Variants in OTUD4 observed in about 807,000 individuals in gnomAD.
OTUD4 encodes OTU deubiquitinase 4, also known as OTU domain-containing protein 4.
A neutral mutation model predicts 130.4 loss-of-function variants in OTUD4; 24 were observed. That is an observed-to-expected ratio of 0.18 (90% CI 0.13 to 0.26). The LOEUF (loss-of-function observed/expected upper bound fraction) is 0.26. Among genes scored for constraint, OTUD4 ranks in the 10% least tolerant of loss-of-function variants. The pLI is 1.00. For missense variants in OTUD4, 1,031 were observed against 1,329.4 expected (o/e 0.78, Z 3.49); for synonymous variants, 420 against 472.5 (o/e 0.89, Z 1.44).
chr4:145,164,024 A>T (rs1384305865), intron 5 of OTUD4, 130 bp downstream of exon 5: 1 of 550,550 alleles, frequency 1.8e-6, no homozygotes. Context: ...ACTTTTAAGA[A>T]ATCAGAATAC....
chr4:145,174,325 A>G (rs1752321744), intron 2 of OTUD4, among the ~76,000 whole-genome samples: 1 of 152,134 alleles, frequency 6.6e-6, no homozygotes, highest in Non-Finnish European at 1.5e-5. Context: ...AACCACTATT[A>G]ATCACAACAC....
chr4:145,174,274 AT>A (rs1002802741), intron 2 of OTUD4, among the ~76,000 whole-genome samples: 4 of 151,944 alleles, frequency 2.6e-5, no homozygotes, highest in Non-Finnish European at 5.9e-5. Context: ...CCCAGACTGA[AT>A]TTTTTTTCTT....
In OTUD4 at chr4:145,163,567, T is replaced by C. The variant is rs1049462665; in HGVS notation, c.414+587A>G. Among the ~76,000 whole-genome samples, 6 of 152,136 alleles carry C rather than the reference T, an allele frequency of 3.9e-5. 1 individual carries two copies. Among genetic ancestry groups the C allele is most frequent in the Admixed American group, 2.6e-4 (4 of 15,262 alleles). ...TGTTTATATTGATAAAAAACTATAA[T>C]AGTCTAGTTCATCATATGTATTAAT... On this transcript the variant is annotated intron_variant, in intron 5 of 20. Coordinates refer to ENST00000447906, the MANE Select transcript of OTUD4 (RefSeq NM_001366057.1).
intron 2 of OTUD4, among the ~76,000 whole-genome samples, chr4:145,172,215 G>A (rs1752205191): frequency 6.6e-6 from 1 of 152,226 alleles, no homozygotes; most frequent in African/African-American, 2.4e-5. Flanking sequence ...GGCCACTTCA[G>A]GTGACATTCT....
chr4:145,144,109 G>T, intron 15 of OTUD4, 108 bp from the exon 16 acceptor site: 1 of 1,084,504 alleles, frequency 9.2e-7, no homozygotes, highest in Non-Finnish European at 1.4e-6. Context: ...TTTGAACCAT[G>T]TTTAGTCAGT....
chr4:145,178,065 T>G (rs890482298), intron 1 of OTUD4: 1 of 152,204 alleles, frequency 6.6e-6, no homozygotes, highest in Non-Finnish European at 1.5e-5. Flanking sequence ...GTCACATAAC[T>G]GGGAAGGGTA....
At chr4:145,179,582 TTCA>T in intron 1 of OTUD4, 1 of 1,359,012 alleles carries the variant, frequency 7.4e-7, no homozygotes, top group Non-Finnish European at 9.4e-7. Context: ...TCATTACCTC[TTCA>T]TCAGGAGAGA....
chr4:145,160,690 G>A (rs559997170), intron 6 of OTUD4, among the ~76,000 whole-genome samples: 1 of 152,270 alleles, frequency 6.6e-6, no homozygotes, highest in East Asian at 1.9e-4. Context: ...GTGCACACCT[G>A]TAATTCCAGC....
intron 16 of OTUD4, among the ~76,000 whole-genome samples, chr4:145,143,685 C>G (rs993172092): frequency 1.3e-5 from 2 of 152,112 alleles, no homozygotes; most frequent in African/African-American, 2.4e-5. Flanking sequence ...TACTCTTCTC[C>G]TTTAAAAACA....
At chr4:145,156,833 C>T (rs1003558489) in intron 7 of OTUD4, among the ~76,000 whole-genome samples, 5 of 152,214 alleles carry the variant, frequency 3.3e-5, no homozygotes, top group Non-Finnish European at 5.9e-5. Context: ...GCAGTGTACA[C>T]AGCTGACCCT....
intron 19 of OTUD4, among the ~76,000 whole-genome samples, chr4:145,140,994 T>C (rs1750535022): frequency 6.6e-6 from 1 of 151,566 alleles, no homozygotes; most frequent in Admixed American, 6.6e-5. Context: ...TGAAACCCCG[T>C]CTCTACTAAA....
rs771122560 is a variant in OTUD4, at chr4:145,143,464, A to G, written c.1603-19T>C. On this transcript the variant is annotated intron_variant, in intron 16 of 20. Transcript: ENST00000447906. ...TAATATTCTTTGGAAGCAAAAAAGAAGCAAAGTTTTGTATTTCAGAGACCC... is the reference window on the plus strand; with the variant it reads ...TAATATTCTTTGGAAGCAAAAAAGAGGCAAAGTTTTGTATTTCAGAGACCC... The G allele has an allele frequency of 6.5e-5, 99 of 1,516,696 alleles. No homozygotes were observed. The highest frequency in any genetic ancestry group is 8.3e-5 in the Non-Finnish European group (91 of 1,096,062). The allele number at this position is 1,516,696 out of a possible 1,614,324, so 94.0% of individuals were successfully genotyped here.
Position 145,171,461 on chromosome 4 carries a change from T to G in OTUD4, c.294+209A>C, listed in dbSNP as rs36224529. On this transcript the variant is annotated intron_variant, in intron 3 of 20. Transcript: ENST00000447906. The stretch of plus-strand genomic sequence containing the variant: ...ATGCCATTATAGCCAAGATAAAATA[T>G]CACAACTCTGCCTTAGTGAGGCAAC... 3,359 of 454,712 alleles carry G rather than the reference T, an allele frequency of 7.4e-3. 109 individuals are homozygous for G. The highest frequency in any genetic ancestry group is 0.059 in the African/African-American group (2,895 of 49,312). 28.2% of individuals were successfully genotyped at this position (454,712 alleles called of 1,614,324 possible). A position where few individuals can be genotyped will look rare whatever the true frequency, so the allele number is the denominator to read the frequency against.
intron 7 of OTUD4, among the ~76,000 whole-genome samples, chr4:145,157,765 G>A (rs923491554): frequency 1.3e-5 from 2 of 150,722 alleles, no homozygotes; most frequent in African/African-American, 4.9e-5. Flanking sequence ...CAACAGTGCA[G>A]TATAAAAAGA....
intron 19 of OTUD4, among the ~76,000 whole-genome samples, chr4:145,140,211 T>C (rs1750495230): frequency 6.6e-6 from 1 of 152,184 alleles, no homozygotes; most frequent in Admixed American, 6.5e-5. Context: ...TCTGTTAGCA[T>C]ATAAATCCCA....
In OTUD4 at chr4:145,152,523, C is replaced by A. The variant is rs371333125; in HGVS notation, c.968+18G>T. 1.4e-6 allele frequency: 2 copies of A among 1,394,326 alleles called. No individual in the cohort carries two copies. Among genetic ancestry groups the A allele is most frequent in the African/African-American group, 1.4e-5 (1 of 69,948 alleles). The allele number at this position is 1,394,326 out of a possible 1,614,324, so 86.4% of individuals were successfully genotyped here. A position where few individuals can be genotyped will look rare whatever the true frequency, so the allele number is the denominator to read the frequency against. On this transcript the variant is annotated intron_variant, in intron 11 of 20. Transcript: ENST00000447906. ...ATGGAGGAGGCAGTAAATGCCTTAG[C>A]TGAAGAGTAGTACATACTTCTTTCC...
chr4:145,161,428 T>C (rs997096276), intron 6 of OTUD4, among the ~76,000 whole-genome samples: 1 of 152,188 alleles, frequency 6.6e-6, no homozygotes, highest in African/African-American at 2.4e-5. Flanking sequence ...ATATCTTTAC[T>C]GGTTACCACT....
rs911695884 is a variant in OTUD4, at chr4:145,137,361, A to AT, written c.*68dup. ...CCAACTGCGGTTTTTACTTTATTGTATTTTTTTTAAAGCCTTCAGAAACAT... is the reference window on the plus strand; with the variant it reads ...CCAACTGCGGTTTTTACTTTATTGTATTTTTTTTTAAAGCCTTCAGAAACAT... On this transcript the variant is annotated 3_prime_UTR_variant, in exon 21 of 21. Coordinates refer to ENST00000447906, the MANE Select transcript of OTUD4 (RefSeq NM_001366057.1). The AT allele has an allele frequency of 3.8e-5, 51 of 1,345,854 alleles. No individual in the cohort carries two copies. Among genetic ancestry groups the AT allele is most frequent in the Admixed American group, 6.5e-5 (3 of 46,154 alleles). 83.4% of individuals were successfully genotyped at this position (1,345,854 alleles called of 1,614,324 possible). A position where few individuals can be genotyped will look rare whatever the true frequency, so the allele number is the denominator to read the frequency against.
chr4:145,172,233 G>C (rs1208684641), intron 2 of OTUD4, among the ~76,000 whole-genome samples: 1 of 152,236 alleles, frequency 6.6e-6, no homozygotes. Flanking sequence ...TCTGAACTGA[G>C]AAATTATATG....
Sources: gnomAD v4.1 joint callset for allele counts (sites outside exome capture counted in the v4.1 genomes callset) on GRCh38, gnomAD v4.1.1 for gene constraint, MANE v1.5 for transcripts, NCBI Gene and HGNC (gene_info 2026-07-23, HGNC 2026-07-21) for gene names.